GALR2: variants seen among roughly 807,000 people sequenced by gnomAD.
The protein encoded by GALR2 is galanin receptor type 2.
Under a neutral mutation model 7.2 loss-of-function variants are expected in GALR2, and 5 were observed. That is an observed-to-expected ratio of 0.69 (90% CI 0.36 to 1.45). GALR2 has a LOEUF of 1.45. Ranked by LOEUF, GALR2 falls within the 40% of genes most tolerant of loss-of-function variation. The pLI, the probability that GALR2 is intolerant of heterozygous loss-of-function variation, is 0.03. For missense variants in GALR2, 561 were observed against 555.7 expected (o/e 1.01, Z -0.10); for synonymous variants, 300 against 263.9 (o/e 1.14, Z -1.32).
In GALR2 at chr17:76,075,135, C is replaced by T. The variant is rs948969035; in HGVS notation, c.252C>T (p.Thr84=). The T allele has an allele frequency of 1.9e-6, 3 of 1,610,296 alleles. No individual in the cohort carries two copies. Among genetic ancestry groups the T allele is most frequent in the Admixed American group, 3.3e-5 (2 of 59,860 alleles). The change falls in exon 1 of 2, where the codon ACC becomes ACT. Residue 84 remains threonine, a synonymous_variant. Coordinates refer to ENST00000329003, the MANE Select transcript of GALR2 (RefSeq NM_003857.4). The surrounding 1 kb of genome is among the most constrained non-coding windows in gnomAD (Gnocchi z 5.9). Reference sequence around the variant, plus strand: ...TGTGCTGCGTGCCCTTCCAGGCCACCATCTACACCCTGGACGGCTGGGTGT... The same window carrying T: ...TGTGCTGCGTGCCCTTCCAGGCCACTATCTACACCCTGGACGGCTGGGTGT... The part of the protein sequence containing the change: ...FILCCVPFQA[T]IYTLDGWVFG...
chr17:76,073,297 A>ATTT (rs1200967640), upstream of GALR2, among the ~76,000 whole-genome samples: 1 of 129,748 alleles, frequency 7.7e-6, no homozygotes, highest in African/African-American at 2.9e-5. Context: ...TAAATGACGG[A>ATTT]TTTTTTTTTT....
chr17:76,072,395 C>T (rs2066860561), upstream of GALR2: 3 of 1,605,870 alleles, frequency 1.9e-6, no homozygotes, highest in African/African-American at 4.0e-5. This position sits in a 1 kb window ranked among gnomAD's most constrained non-coding sequence, Gnocchi z 4.5. Context: ...TCCCCTCCGG[C>T]ACCACGTCCA....
In GALR2 at chr17:76,077,065, C is replaced by T; in HGVS notation, c.798C>T (p.Leu266=). ...GCGTGTGGTTCGGCCAGTTCCCGCT[C>T]ACGCGCGCCACTTATGCGCTTCGCA... is the stretch of plus-strand genomic sequence containing the variant. ...ILCVWFGQFP[L]TRATYALRIL... The change falls in exon 2 of 2, where the codon CTC becomes CTT. Residue 266 remains leucine, a synonymous_variant. Coordinates refer to ENST00000329003, the MANE Select transcript of GALR2 (RefSeq NM_003857.4). The T allele has an allele frequency of 6.2e-7, 1 of 1,613,058 alleles. No individual in the cohort carries two copies. The highest frequency in any genetic ancestry group is 2.2e-5 in the East Asian group (1 of 44,880).
upstream of GALR2, chr17:76,072,428 TGCCACCGCC>T (rs2066861779): frequency 6.3e-7 from 1 of 1,585,076 alleles, no homozygotes; most frequent in African/African-American, 1.4e-5. The surrounding 1 kb of genome is among the most constrained non-coding windows in gnomAD (Gnocchi z 4.5). Context: ...CCGCCGCCAC[TGCCACCGCC>T]GCCGCCACTG....
chr17:76,074,849 G>T lies in GALR2; in HGVS notation c.-35G>T. ...CCCGCTCGCGGAGACCCAGACGGCT[G>T]CAGGAGCCCGGGCAGCCTCGGGGTC... On this transcript the variant is annotated 5_prime_UTR_variant, in exon 1 of 2. Coordinates refer to ENST00000329003, the MANE Select transcript of GALR2 (RefSeq NM_003857.4). The surrounding 1 kb of genome is among the most constrained non-coding windows in gnomAD (Gnocchi z 6.7). 6.8e-7 allele frequency: 1 copy of T among 1,463,354 alleles called. No individual in the cohort carries two copies. The highest frequency in any genetic ancestry group is 9.0e-7 in the Non-Finnish European group (1 of 1,112,466). The allele number at this position is 1,463,354 out of a possible 1,614,324, so 90.6% of individuals were successfully genotyped here.
chr17:76,075,057 C>T lies in GALR2; in HGVS notation c.174C>T (p.Ser58=). The change falls in exon 1 of 2, where the codon AGC becomes AGT. Residue 58 remains serine, a synonymous_variant. Transcript: ENST00000329003. This position sits in a 1 kb window ranked among gnomAD's most constrained non-coding sequence, Gnocchi z 5.9. The part of the protein sequence containing the change: ...AVLLRGGQAV[S]TTNLFILNLG... Reference sequence around the variant, plus strand: ...TGCTGCGCGGCGGCCAGGCGGTCAGCACTACCAACCTGTTCATCCTTAACC... The same window carrying T: ...TGCTGCGCGGCGGCCAGGCGGTCAGTACTACCAACCTGTTCATCCTTAACC... The T allele has an allele frequency of 6.2e-7, 1 of 1,611,696 alleles. No individual in the cohort carries two copies.
In GALR2 at chr17:76,075,432, C is replaced by A. The variant is rs2066884099; in HGVS notation, c.368+181C>A. Among the ~76,000 whole-genome samples the A allele has an allele frequency of 6.6e-6, 1 of 152,204 alleles. No homozygotes were observed. The highest frequency in any genetic ancestry group is 1.5e-5 in the Non-Finnish European group (1 of 68,028). Reference sequence around the variant, plus strand: ...AAGAATGGGGGACCGTGGTGTCCCTCGGTTAGATGCGTCCTGGGGCCTGGA... The same window carrying A: ...AAGAATGGGGGACCGTGGTGTCCCTAGGTTAGATGCGTCCTGGGGCCTGGA... On this transcript the variant is annotated intron_variant, in intron 1 of 1. Transcript: ENST00000329003. This position sits in a 1 kb window ranked among gnomAD's most constrained non-coding sequence, Gnocchi z 5.9.
Position 76,075,628 on chromosome 17 carries a change from C to G in GALR2, c.368+377C>G, listed in dbSNP as rs1281414617. ...GAGTTGAGTTCCTAAGTAACTCGCT[C>G]AGAGTCGCCAGCCAGGGATCGGGTG... On this transcript the variant is annotated intron_variant, in intron 1 of 1. Coordinates refer to ENST00000329003, the MANE Select transcript of GALR2 (RefSeq NM_003857.4). The surrounding 1 kb of genome is among the most constrained non-coding windows in gnomAD (Gnocchi z 5.9). 1.3e-5 allele frequency among the ~76,000 whole-genome samples: 2 copies of G among 152,204 alleles called. No homozygotes were observed. The highest frequency in any genetic ancestry group is 3.9e-4 in the East Asian group (2 of 5,192).
upstream of GALR2, chr17:76,072,731 G>C: frequency 1.4e-6 from 1 of 710,250 alleles, no homozygotes; most frequent in Non-Finnish European, 2.2e-6. The surrounding 1 kb of genome is among the most constrained non-coding windows in gnomAD (Gnocchi z 4.5). Context: ...TGGCTGCTGA[G>C]ATCTCAGGGG....
chr17:76,072,164 T>G, upstream of GALR2: 2 of 1,435,642 alleles, frequency 1.4e-6, no homozygotes, highest in Admixed American at 2.3e-5. The surrounding 1 kb of genome is among the most constrained non-coding windows in gnomAD (Gnocchi z 4.5). Context: ...CCCGGAATTC[T>G]GAGCACCAAA....
rs2066884536 is a variant in GALR2 at position 76,075,516 on chromosome 17, A to G, written c.368+265A>G. 6.6e-6 allele frequency among the ~76,000 whole-genome samples: 1 copy of G among 152,252 alleles called. No homozygotes were observed. The highest frequency in any genetic ancestry group is 1.5e-5 in the Non-Finnish European group (1 of 68,036). On this transcript the variant is annotated intron_variant, in intron 1 of 1. Coordinates refer to ENST00000329003, the MANE Select transcript of GALR2 (RefSeq NM_003857.4). This position sits in a 1 kb window ranked among gnomAD's most constrained non-coding sequence, Gnocchi z 5.9. ...TGCCTGACAACGCGCAGCGTTTCCC[A>G]GTACGACGCGTTTGTGCGCGTTCAT...
rs9916013 is a variant in GALR2 at position 76,075,718 on chromosome 17, C to T, written c.368+467C>T. ...GCCTCCACTGCGCTCGCCTCCAAGC[C>T]ACGGTTTGGTTGGTTGGTGCAGCTG... is the stretch of plus-strand genomic sequence containing the variant. On this transcript the variant is annotated intron_variant, in intron 1 of 1. Coordinates refer to ENST00000329003, the MANE Select transcript of GALR2 (RefSeq NM_003857.4). This position sits in a 1 kb window ranked among gnomAD's most constrained non-coding sequence, Gnocchi z 5.9. 0.012 allele frequency among the ~76,000 whole-genome samples: 1,785 copies of T among 152,276 alleles called. 18 individuals carry two copies. The highest frequency in any genetic ancestry group is 0.068 in the Middle Eastern group (20 of 294).
chr17:76,074,766 C>T, upstream of GALR2: 2 of 1,153,956 alleles, frequency 1.7e-6, no homozygotes, highest in Non-Finnish European at 2.4e-6. The surrounding 1 kb of genome is among the most constrained non-coding windows in gnomAD (Gnocchi z 6.7). Flanking sequence ...AGGCTCCCTC[C>T]GCCTTCAGCC....
chr17:76,073,103 G>A (rs1438327371), upstream of GALR2, among the ~76,000 whole-genome samples: 1 of 152,192 alleles, frequency 6.6e-6, no homozygotes, highest in Non-Finnish European at 1.5e-5. Context: ...AGAGGGAGAA[G>A]TGTTGAGACA....
upstream of GALR2, chr17:76,072,155 C>T: frequency 6.9e-7 from 1 of 1,447,470 alleles, no homozygotes; most frequent in South Asian, 1.3e-5. This position sits in a 1 kb window ranked among gnomAD's most constrained non-coding sequence, Gnocchi z 4.5. Context: ...CAGACCCCCC[C>T]CGGAATTCTG....
chr17:76,072,510 A>C, upstream of GALR2: 2 of 1,578,038 alleles, frequency 1.3e-6, no homozygotes, highest in Non-Finnish European at 1.7e-6. The surrounding 1 kb of genome is among the most constrained non-coding windows in gnomAD (Gnocchi z 4.5). Flanking sequence ...TGCGCCGCAG[A>C]GCAAGACGGG....
At chr17:76,072,139 G>T, upstream of GALR2, 3 of 1,315,438 alleles carry the variant, frequency 2.3e-6, no homozygotes, top group East Asian at 2.5e-5. The surrounding 1 kb of genome is among the most constrained non-coding windows in gnomAD (Gnocchi z 4.5). Context: ...AAGACTAGTC[G>T]AGAGACAGAC....
Position 76,075,362 on chromosome 17 carries a change from A to G in GALR2, c.368+111A>G, listed in dbSNP as rs2066883800. ...GCGCAGAGTGGGACAGGACACTAAG[A>G]AGGCAGTGGAAGACAAGCGGGCGCG... On this transcript the variant is annotated intron_variant, in intron 1 of 1. Transcript: ENST00000329003. The surrounding 1 kb of genome is among the most constrained non-coding windows in gnomAD (Gnocchi z 5.9). The G allele has an allele frequency of 8.7e-7, 1 of 1,150,470 alleles. No individual in the cohort carries two copies. Among genetic ancestry groups the G allele is most frequent in the Non-Finnish European group, 1.2e-6 (1 of 819,412 alleles). The allele number at this position is 1,150,470 out of a possible 1,614,324, so 71.3% of individuals were successfully genotyped here. A position where few individuals can be genotyped will look rare whatever the true frequency, so the allele number is the denominator to read the frequency against.
rs1288036084 is a variant in GALR2 at position 76,077,052 on chromosome 17, G to C, written c.785G>C (p.Gly262Ala). Residue 262 changes from glycine (G) to alanine (A), a missense_variant, in exon 2 of 2, where the codon GGC becomes GCC. Gly to Ala is a moderately conservative substitution (Grantham distance 60). Coordinates refer to ENST00000329003, the MANE Select transcript of GALR2 (RefSeq NM_003857.4). The stretch of plus-strand genomic sequence containing the variant: ...GCGCTCATCCTCTGCGTGTGGTTCG[G>C]CCAGTTCCCGCTCACGCGCGCCACT... Reference protein sequence around the residue: ...HHALILCVWFGQFPLTRATYA... With the variant: ...HHALILCVWFAQFPLTRATYA... 1 of 1,612,942 alleles carries C rather than the reference G, an allele frequency of 6.2e-7. No homozygotes were observed. The highest frequency in any genetic ancestry group is 8.5e-7 in the Non-Finnish European group (1 of 1,179,914).
Sources: gnomAD v4.1 joint callset for allele counts (sites outside exome capture counted in the v4.1 genomes callset) on GRCh38, gnomAD v4.1.1 for gene constraint, Gnocchi (gnomAD v3.1) non-coding constraint, MANE v1.5 for transcripts, NCBI Gene and HGNC (gene_info 2026-07-23, HGNC 2026-07-21) for gene names.